CEP120: variants seen among roughly 807,000 people sequenced by gnomAD.
The protein encoded by CEP120 is centrosomal protein of 120 kDa.
In CEP120, 113 loss-of-function variants were observed where a neutral mutation model predicts 126.5. That is an observed-to-expected ratio of 0.89 (90% confidence interval 0.77 to 1.04). The LOEUF is 1.04. Among genes scored for constraint, CEP120 ranks in the 50% least tolerant of loss-of-function variants. The pLI is 0.00. For synonymous variants in CEP120, 400 were observed against 394.3 expected (o/e 1.01, Z -0.17); for missense variants, 1,230 against 1,155.7 (o/e 1.06, Z -0.93).
At chr5:123,382,340 A>G (rs1209263918) in intron 13 of CEP120, 140 bp from the exon 14 acceptor site, 1 of 439,372 alleles carries the variant, frequency 2.3e-6, no homozygotes, top group African/African-American at 2.1e-5. Flanking sequence ...AAAAAAAAAA[A>G]AAAAAGGAGG....
At position 123,422,938 on chromosome 5, in the gene CEP120, C is replaced by T; in HGVS notation, c.49+12G>A. 6.2e-7 allele frequency: 1 copy of T among 1,613,878 alleles called. No individual in the cohort carries two copies. Among genetic ancestry groups the T allele is most frequent in the South Asian group, 1.1e-5 (1 of 91,084 alleles). ...AGGCAGCAGTTGCAAAAGCAAGCCT[C>T]AGGCTGCTCACCTTCTAGGATGGAC... On this transcript the variant is annotated intron_variant, in intron 1 of 19. Transcript: ENST00000306467.
At chr5:123,419,496 C>A (rs1172355317) in intron 1 of CEP120, among the ~76,000 whole-genome samples, 1 of 149,594 alleles carries the variant, frequency 6.7e-6, no homozygotes, top group African/African-American at 2.5e-5. Flanking sequence ...GTGAGCACTG[C>A]ACTCCAGCCT....
chr5:123,408,283 G>T (rs1389175507), intron 4 of CEP120, among the ~76,000 whole-genome samples: 1 of 150,822 alleles, frequency 6.6e-6, no homozygotes, highest in Admixed American at 6.6e-5. Flanking sequence ...CAAATCAATA[G>T]AACTGAAGAC....
Position 123,388,449 on chromosome 5 carries a change from T to C in CEP120, c.1413A>G (p.Pro471=). ...AATCACACCTTAATATACAGTTGAT[T>C]GGAAAACCAATCTCCAAGGCATGTA... is the stretch of plus-strand genomic sequence containing the variant. The part of the protein sequence containing the change: ...RSIHALEIGF[P]INCILRYSYP... The change falls in exon 9 of 20, where the codon CCA becomes CCG. Residue 471 remains proline (P), a synonymous_variant. Transcript: ENST00000306467. 6.4e-7 allele frequency: 1 copy of C among 1,554,052 alleles called. No individual in the cohort carries two copies. Among genetic ancestry groups the C allele is most frequent in the Non-Finnish European group, 8.7e-7 (1 of 1,153,352 alleles).
chr5:123,363,227 A>G (rs567125352), intron 18 of CEP120, among the ~76,000 whole-genome samples: 4 of 151,758 alleles, frequency 2.6e-5, no homozygotes, highest in South Asian at 4.1e-4. Context: ...CCAGAGGTCT[A>G]TCACAAATAC....
At chr5:123,384,092 G>A (rs1771853709) in intron 11 of CEP120, among the ~76,000 whole-genome samples, 1 of 151,976 alleles carries the variant, frequency 6.6e-6, no homozygotes, top group Admixed American at 6.6e-5. Context: ...GGCAATAAAA[G>A]TTAATATTCA....
intron 3 of CEP120, among the ~76,000 whole-genome samples, chr5:123,412,967 A>G (rs1774156880): frequency 6.6e-6 from 1 of 152,148 alleles, no homozygotes; most frequent in Admixed American, 6.5e-5. Flanking sequence ...TTCTGCTTAT[A>G]TCAATAAGCA....
intron 11 of CEP120, 21 bp downstream of exon 11, chr5:123,384,930 C>A: frequency 1.3e-6 from 2 of 1,556,418 alleles, no homozygotes; most frequent in Non-Finnish European, 1.7e-6. Context: ...AAGCAAATAC[C>A]AATTCTGTGA....
In CEP120 at chr5:123,382,970, A is replaced by T; in HGVS notation, c.1860+16T>A. 1 of 1,595,640 alleles carries T rather than the reference A, an allele frequency of 6.3e-7. No homozygotes were observed. The highest frequency in any genetic ancestry group is 8.6e-7 in the Non-Finnish European group (1 of 1,169,502). On this transcript the variant is annotated intron_variant, in intron 12 of 19. Transcript: ENST00000306467. The stretch of plus-strand genomic sequence containing the variant: ...TTCCTTTTAAAAAAAATTTGATAAC[A>T]TTCAATTATATTTACCTGAGATGAA...
intron 4 of CEP120, among the ~76,000 whole-genome samples, chr5:123,404,176 A>G (rs1773488222): frequency 6.9e-6 from 1 of 145,348 alleles, no homozygotes; most frequent in African/African-American, 2.5e-5. Flanking sequence ...CATATTTCCA[A>G]CTTTTGGGGA....
At chr5:123,346,789 G>A (rs370965125) in intron 19 of CEP120, 36 bp from the exon 20 acceptor site, 45 of 1,431,224 alleles carry the variant, frequency 3.1e-5, no homozygotes, top group African/African-American at 4.3e-5. Context: ...TGTAGCAACT[G>A]TGTTGGTTTT....
intron 13 of CEP120, 144 bp from the exon 14 acceptor site, chr5:123,382,344 A>AT: frequency 2.3e-6 from 1 of 437,840 alleles, no homozygotes; most frequent in South Asian, 3.6e-5. Flanking sequence ...AAAAAAAAAA[A>AT]AGGAGGATGC....
intron 6 of CEP120, among the ~76,000 whole-genome samples, chr5:123,392,466 AG>A (rs1772468397): frequency 6.6e-6 from 1 of 152,214 alleles, no homozygotes; most frequent in South Asian, 2.1e-4. Flanking sequence ...TTTGATCAAA[AG>A]GAAGTGTCAT....
At chr5:123,371,439 A>G (rs188990320) in intron 17 of CEP120, among the ~76,000 whole-genome samples, 1 of 152,220 alleles carries the variant, frequency 6.6e-6, no homozygotes, top group East Asian at 1.9e-4. Context: ...TCAGGAGAAC[A>G]GCACAAGAAA....
At chr5:123,390,562 T>G (rs1772325158) in intron 7 of CEP120, among the ~76,000 whole-genome samples, 2 of 152,214 alleles carry the variant, frequency 1.3e-5, no homozygotes, top group South Asian at 4.1e-4. Flanking sequence ...AACACTCATT[T>G]CGGTTCTTCT....
At chr5:123,379,198 G>A (rs986765636) in intron 14 of CEP120, among the ~76,000 whole-genome samples, 11 of 152,122 alleles carry the variant, frequency 7.2e-5, no homozygotes, top group Admixed American at 4.6e-4. Flanking sequence ...GTGAGCAGCC[G>A]TGAGGACGTC....
intron 16 of CEP120, among the ~76,000 whole-genome samples, chr5:123,375,172 C>T (rs547693520): frequency 3.8e-4 from 58 of 152,216 alleles, no homozygotes; most frequent in African/African-American, 1.3e-3. Context: ...TCCTGTCCTT[C>T]CTACCCCCTT....
At chr5:123,421,462 T>G (rs905355763) in intron 1 of CEP120, among the ~76,000 whole-genome samples, 1 of 152,204 alleles carries the variant, frequency 6.6e-6, no homozygotes, top group Non-Finnish European at 1.5e-5. Context: ...GACCTCATTT[T>G]CTGCTGCTCT....
chr5:123,380,237 T>A (rs1358164173), intron 14 of CEP120, among the ~76,000 whole-genome samples: 1 of 152,076 alleles, frequency 6.6e-6, no homozygotes, highest in Non-Finnish European at 1.5e-5. Flanking sequence ...ACTGACTTGA[T>A]TTTGTAGTGG....
Sources: gnomAD v4.1 joint callset for allele counts (sites outside exome capture counted in the v4.1 genomes callset) on GRCh38, gnomAD v4.1.1 for gene constraint, MANE v1.5 for transcripts, NCBI Gene and HGNC (gene_info 2026-07-23, HGNC 2026-07-21) for gene names.